PIR: variants seen among roughly 807,000 people sequenced by gnomAD.
The protein encoded by PIR is pirin, also known as pirin (iron-binding nuclear protein).
A neutral mutation model predicts 24.2 loss-of-function variants in PIR; 22 were observed. The observed-to-expected ratio is 0.91, with a 90% CI of 0.65 to 1.30. PIR has a LOEUF of 1.30. Among genes scored for constraint, PIR ranks in the 50% most tolerant of loss-of-function variants. The pLI, the probability that PIR is intolerant of heterozygous loss-of-function variation, is 0.00. For synonymous variants in PIR, 80 were observed against 79.6 expected, an observed-to-expected ratio of 1.00 and a Z score of -0.03; for missense variants, 220 against 220.3, an observed-to-expected ratio of 1.00 and a Z score of 0.01.
chrX:15,399,063 G>A (rs757706539), intron 7 of PIR, among the ~76,000 whole-genome samples: 18 of 111,238 alleles, frequency 1.6e-4, no homozygotes, highest in Non-Finnish European at 3.4e-4. Flanking sequence ...CTGTAGAGAG[G>A]GGGTGAGATT....
At chrX:15,454,884 G>A (rs191392297) in intron 5 of PIR, among the ~76,000 whole-genome samples, 296 of 111,996 alleles carry the variant, frequency 2.6e-3, no homozygotes, top group African/African-American at 8.3e-3. Context: ...AAGGGAGCAT[G>A]AAAGCCCGGC....
intron 9 of PIR, 66 bp downstream of exon 9, chrX:15,390,119 T>A: frequency 1.8e-6 from 1 of 560,331 alleles, no homozygotes; most frequent in Non-Finnish European, 2.8e-6. Context: ...AACAATAGTA[T>A]ACATGTATAC....
chrX:15,407,065 C>A (rs1375554376), intron 7 of PIR, among the ~76,000 whole-genome samples: 1 of 112,000 alleles, frequency 8.9e-6, no homozygotes, highest in Non-Finnish European at 1.9e-5. Flanking sequence ...TATATACAAC[C>A]CTCGGAAGAA....
intron 3 of PIR, among the ~76,000 whole-genome samples, chrX:15,468,870 C>A (rs763766891): frequency 6.2e-5 from 7 of 112,496 alleles, no homozygotes; most frequent in Non-Finnish European, 9.4e-5. Context: ...CTTCTCCTGC[C>A]ATTAACATAT....
chrX:15,422,685 C>CA (rs201151501), intron 6 of PIR, among the ~76,000 whole-genome samples: 4,314 of 110,691 alleles, frequency 0.039, 216 homozygotes, highest in African/African-American at 0.13. Context: ...GAAAAGGACA[C>CA]AAAAAAAATT....
intron 6 of PIR, among the ~76,000 whole-genome samples, chrX:15,417,679 A>AG (rs2147024356): frequency 9.0e-6 from 1 of 111,712 alleles, no homozygotes; most frequent in East Asian, 2.8e-4. Context: ...TGGAGGCTGT[A>AG]GGGGGACATT....
rs757030530 is a variant in PIR at position 15,456,033 on chromosome X, T to C, written c.295A>G (p.Ile99Val). 9.9e-6 allele frequency: 12 copies of C among 1,210,801 alleles called. No individual in the cohort carries two copies. The South Asian group carries it at 1.9e-4, about 19-fold the overall frequency. Reference protein sequence around the residue: ...DLQWMTAGRGILHAEMPCSEE... With the variant: ...DLQWMTAGRGVLHAEMPCSEE... The stretch of plus-strand genomic sequence containing the variant: ...GAGCAAGGCATCTCAGCGTGCAGAA[T>C]GCCCCGGCCCGCAGTCATCCACTGC... The change falls in exon 5 of 10, where the codon ATT becomes GTT. Residue 99 changes from isoleucine (I) to valine (V), a missense_variant. By Grantham distance (29) the Ile-to-Val change is conservative (BLOSUM62 3). Transcript: ENST00000380420.
chrX:15,451,435 T>A (rs1412964296), intron 5 of PIR, among the ~76,000 whole-genome samples: 5 of 111,657 alleles, frequency 4.5e-5, no homozygotes, highest in African/African-American at 1.6e-4. Context: ...TTTTATTTCC[T>A]TACTTCCTAG....
intron 3 of PIR, among the ~76,000 whole-genome samples, chrX:15,467,048 T>C (rs1029942133): frequency 1.8e-5 from 2 of 112,705 alleles, no homozygotes; most frequent in Non-Finnish European, 3.7e-5. Context: ...CTATGGTGCC[T>C]AGCATACAGC....
intron 3 of PIR, chrX:15,464,546 G>T (rs1226760015): frequency 2.7e-6 from 1 of 374,491 alleles, no homozygotes; most frequent in African/African-American, 2.8e-5. Flanking sequence ...CAGAAGAGTA[G>T]CTCCATATTA....
chrX:15,459,331 C>A (rs1228694528), intron 4 of PIR, among the ~76,000 whole-genome samples: 1 of 111,903 alleles, frequency 8.9e-6, no homozygotes, highest in African/African-American at 3.3e-5. Flanking sequence ...GAAGGGGCTA[C>A]TGAGAGGCCA....
intron 3 of PIR, among the ~76,000 whole-genome samples, chrX:15,473,755 C>T (rs1219570259): frequency 8.9e-6 from 1 of 111,746 alleles, no homozygotes; most frequent in African/African-American, 3.3e-5. Flanking sequence ...CAAGGTTTCA[C>T]CATGTTGGCC....
intron 6 of PIR, among the ~76,000 whole-genome samples, chrX:15,423,794 C>T (rs1925214623): frequency 8.9e-6 from 1 of 111,965 alleles, no homozygotes; most frequent in Admixed American, 9.4e-5. Context: ...AGAAGACATA[C>T]AAATGGGCAA....
chrX:15,443,758 C>T (rs1181561348), intron 5 of PIR, among the ~76,000 whole-genome samples: 1 of 110,953 alleles, frequency 9.0e-6, no homozygotes. Flanking sequence ...GAAGTTGATT[C>T]CAACACTAAT....
chrX:15,407,820 C>T (rs181641471), intron 6 of PIR, among the ~76,000 whole-genome samples: 6 of 112,419 alleles, frequency 5.3e-5, no homozygotes, highest in Non-Finnish European at 9.4e-5. Flanking sequence ...GTACAATTCA[C>T]TTGGCTGTGT....
At chrX:15,472,717 G>A (rs1324631639) in intron 3 of PIR, among the ~76,000 whole-genome samples, 1 of 112,129 alleles carries the variant, frequency 8.9e-6, no homozygotes, top group Non-Finnish European at 1.9e-5. Context: ...CTGGGCTGAT[G>A]AAAGTGTTCT....
intron 3 of PIR, among the ~76,000 whole-genome samples, chrX:15,468,217 C>T (rs962959335): frequency 1.8e-5 from 2 of 112,477 alleles, no homozygotes; most frequent in Admixed American, 1.9e-4. Flanking sequence ...CCTCACCAAA[C>T]CAGACCTATG....
chrX:15,405,899 A>G (rs754552912), intron 7 of PIR, among the ~76,000 whole-genome samples: 1 of 113,171 alleles, frequency 8.8e-6, no homozygotes, highest in African/African-American at 3.2e-5. Flanking sequence ...TAAATTCAAA[A>G]TGCATGAGTT....
intron 1 of PIR, among the ~76,000 whole-genome samples, chrX:15,492,577 CA>C (rs1177247321): frequency 8.9e-6 from 1 of 111,909 alleles, no homozygotes; most frequent in African/African-American, 3.3e-5. Flanking sequence ...TGGCAAAAAG[CA>C]GACTCTGGAA....
Sources: allele counts gnomAD v4.1 joint callset (sites outside exome capture counted in the v4.1 genomes callset), GRCh38; gene constraint gnomAD v4.1.1; transcripts MANE v1.5; gene names NCBI Gene and HGNC (gene_info 2026-07-23, HGNC 2026-07-21).